The following UBTF variants were observed in gnomAD, a reference collection of about 807,000 sequenced individuals.
UBTF encodes upstream binding transcription factor, also known as nucleolar transcription factor 1.
UBTF carries 8 observed loss-of-function variants against 112.3 expected under a neutral mutation model. The observed-to-expected ratio is 0.07, with a 90% CI of 0.04 to 0.13. The LOEUF is 0.13. UBTF is among the 10% of genes least tolerant of loss of function. The probability of loss-of-function intolerance (pLI) is 1.00; values close to 1 mark genes in which losing one functional copy is unlikely to be tolerated. For missense variants in UBTF, 457 were observed against 982.1 expected (o/e 0.47, Z 7.15); for synonymous variants, 417 against 373.1 (o/e 1.12, Z -1.36).
Position 44,207,615 on chromosome 17 carries a change from A to G in UBTF, c.2026-18T>C. On this transcript the variant is annotated intron_variant, in intron 19 of 20. Coordinates refer to ENST00000436088, the MANE Select transcript of UBTF (RefSeq NM_014233.4). Reference sequence around the variant, plus strand: ...TCGGACTCCTTGGAGGGATGGAGGCACATCAGTGGTCTCTGGTCTCTGCCC... The same window carrying G: ...TCGGACTCCTTGGAGGGATGGAGGCGCATCAGTGGTCTCTGGTCTCTGCCC... 6.2e-7 allele frequency: 1 copy of G among 1,614,134 alleles called. No homozygotes were observed. The highest frequency in any genetic ancestry group is 1.1e-5 in the South Asian group (1 of 91,082).
In UBTF at chr17:44,210,113, C is replaced by A. The variant is rs939501651; in HGVS notation, c.1626+11G>T. 8 of 1,614,100 alleles carry A rather than the reference C, an allele frequency of 5.0e-6. No homozygotes were observed. Among genetic ancestry groups the A allele is most frequent in the Non-Finnish European group, 6.8e-6 (8 of 1,179,934 alleles). ...TTTCAATGAATGGGGTGGCCCCAGC[C>A]CCATTCCTACCTCATATCGCTTTTG... On this transcript the variant is annotated intron_variant, in intron 15 of 20. Coordinates refer to ENST00000436088, the MANE Select transcript of UBTF (RefSeq NM_014233.4).
chr17:44,213,079 G>T, intron 6 of UBTF, 139 bp downstream of exon 6: 1 of 1,533,892 alleles, frequency 6.5e-7, no homozygotes, highest in South Asian at 1.2e-5. Flanking sequence ...CTCTGTCCCT[G>T]AGCATGACAC....
At chr17:44,212,559 T>C in intron 7 of UBTF, 105 bp from the exon 8 acceptor site, 1 of 1,048,168 alleles carries the variant, frequency 9.5e-7, no homozygotes, top group Non-Finnish European at 1.4e-6. Flanking sequence ...CCATGGGAGG[T>C]CACATCAGTG....
At chr17:44,216,754 G>A (rs376294653) in intron 2 of UBTF, 50 bp from the exon 3 acceptor site, 18 of 1,585,742 alleles carry the variant, frequency 1.1e-5, no homozygotes, top group African/African-American at 2.7e-5. Flanking sequence ...CTATCCCCCC[G>A]ATCTGTTCCC....
chr17:44,208,237 G>C (rs923459546), intron 17 of UBTF, among the ~76,000 whole-genome samples: 1 of 151,786 alleles, frequency 6.6e-6, no homozygotes, highest in Admixed American at 6.6e-5. Flanking sequence ...CAGAGTAGCT[G>C]GGACTACAGG....
rs1353754905 is a variant in UBTF at position 44,211,663 on chromosome 17, C to T, written c.990G>A (p.Gln330=). The T allele has an allele frequency of 2.5e-6, 4 of 1,611,382 alleles. No individual in the cohort carries two copies. The highest frequency in any genetic ancestry group is 1.7e-5 in the Admixed American group (1 of 60,030). The change falls in exon 10 of 21, where the codon CAG becomes CAA. Residue 330 remains glutamine (Q), a synonymous_variant. Transcript: ENST00000436088. This position sits in a 1 kb window ranked among gnomAD's most constrained non-coding sequence, Gnocchi z 4.9. The stretch of plus-strand genomic sequence containing the variant: ...CCTTCTGGGACAGCAGCTTCCACTG[C>T]TGGCTGCACAGCACCATGCGCTCTG... The part of the protein sequence containing the change: ...PSTERMVLCS[Q]QWKLLSQKEK...
At chr17:44,210,709 G>T in intron 13 of UBTF, 83 bp downstream of exon 13, 1 of 1,525,470 alleles carries the variant, frequency 6.6e-7, no homozygotes, top group East Asian at 2.5e-5. Flanking sequence ...GGCGGCCAGG[G>T]GCGAGGTGGC....
intron 17 of UBTF, 99 bp from the exon 18 acceptor site, chr17:44,208,010 C>A (rs760804841): frequency 1.0e-5 from 15 of 1,471,658 alleles, no homozygotes; most frequent in African/African-American, 1.4e-5. Flanking sequence ...ATTTATATAT[C>A]ATCACCCCAT....
intron 2 of UBTF, 28 bp from the exon 3 acceptor site, chr17:44,216,732 G>A: frequency 6.2e-7 from 1 of 1,611,866 alleles, no homozygotes; most frequent in Non-Finnish European, 8.5e-7. Context: ...AGGCCATCAT[G>A]CCTGGCTCAT....
chr17:44,212,973 G>A, intron 6 of UBTF, 34 bp from the exon 7 acceptor site: 1 of 1,610,726 alleles, frequency 6.2e-7, no homozygotes. Flanking sequence ...GATCAGCAGG[G>A]GACGCTGCCA....
chr17:44,206,035 C>G lies in UBTF; in HGVS notation c.*1207G>C, dbSNP rs938704521. 1 of 152,196 alleles carries G rather than the reference C, an allele frequency of 6.6e-6. No individual in the cohort carries two copies. Among genetic ancestry groups the G allele is most frequent in the East Asian group, 1.9e-4 (1 of 5,174 alleles). The allele number at this position is 152,196 out of a possible 1,614,324, so 9.4% of individuals were successfully genotyped here. On this transcript the variant is annotated 3_prime_UTR_variant, in exon 21 of 21. Coordinates refer to ENST00000436088, the MANE Select transcript of UBTF (RefSeq NM_014233.4). Reference sequence around the variant, plus strand: ...TGGAGGGATGTGTAAGTTAGGAGCTCCCAGCACATTTCTTGAAGCCCAGGT... The same window carrying G: ...TGGAGGGATGTGTAAGTTAGGAGCTGCCAGCACATTTCTTGAAGCCCAGGT...
intron 5 of UBTF, chr17:44,215,331 G>T: frequency 3.2e-6 from 1 of 309,410 alleles, no homozygotes; most frequent in Non-Finnish European, 6.1e-6. Context: ...CATAGAGGGT[G>T]AAGAAGTGCT....
intron 1 of UBTF, chr17:44,219,240 C>A (rs1346736563): frequency 5.3e-5 from 8 of 151,440 alleles, no homozygotes; most frequent in African/African-American, 1.9e-4. Flanking sequence ...GGCTCCTCCG[C>A]CAGCGGCCGG....
rs1303272860 is a variant in UBTF at position 44,206,431 on chromosome 17, CTCACACTCTTTT to C, written c.*799_*810del. ...ACCCCTTTACACACACACACACACA[CTCACACTCTTTT>C]GCACACATCCACAGCTGCACCCATG... is the stretch of plus-strand genomic sequence containing the variant. On this transcript the variant is annotated 3_prime_UTR_variant, in exon 21 of 21. Coordinates refer to ENST00000436088, the MANE Select transcript of UBTF (RefSeq NM_014233.4). 7.0e-6 allele frequency: 1 copy of C among 143,716 alleles called. No homozygotes were observed. The highest frequency in any genetic ancestry group is 1.6e-5 in the Non-Finnish European group (1 of 64,050). 8.9% of individuals were successfully genotyped at this position (143,716 alleles called of 1,614,324 possible).
In UBTF at chr17:44,213,286, G is replaced by C. The variant is rs763130249; in HGVS notation, c.475-4C>G. On this transcript the variant is annotated splice_region_variant and splice_polypyrimidine_tract_variant and intron_variant, in intron 5 of 20. Transcript: ENST00000436088. ...GGAAGTCCTGAATATATTTCATCTG[G>C]GGGGAGGAGGGGATGGGGTCACTCA... The C allele has an allele frequency of 5.0e-6, 8 of 1,613,096 alleles. No individual in the cohort carries two copies. Among genetic ancestry groups the C allele is most frequent in the East Asian group, 2.2e-5 (1 of 44,874 alleles).
At position 44,209,675 on chromosome 17, in the gene UBTF, T is replaced by C; in HGVS notation, c.1685A>G (p.Lys562Arg). The C allele has an allele frequency of 6.2e-7, 1 of 1,614,214 alleles. No homozygotes were observed. Among genetic ancestry groups the C allele is most frequent in the Non-Finnish European group, 8.5e-7 (1 of 1,180,034 alleles). ...PAATNSSKKM[K>R]FQGEPKKPPM... ...AGGCTTCTTGGGTTCTCCCTGGAATTTCATCTTCTTGGAAGAATTTGTAGC... is the reference window on the plus strand; with the variant it reads ...AGGCTTCTTGGGTTCTCCCTGGAATCTCATCTTCTTGGAAGAATTTGTAGC... Residue 562 changes from lysine to arginine, a missense_variant, in exon 16 of 21, where the codon AAA (lysine) becomes AGA (arginine). By Grantham distance (26) the Lys-to-Arg change is conservative. This residue lies in a region of UBTF where 77 missense variants were observed against 211.9 expected (regional missense o/e 0.36). Coordinates refer to ENST00000436088, the MANE Select transcript of UBTF (RefSeq NM_014233.4).
In UBTF at chr17:44,207,359, C is replaced by T. The variant is rs1274636784; in HGVS notation, c.2178G>A (p.Glu726=). Residue 726 remains glutamate (E), a synonymous_variant, in exon 21 of 21, where the codon GAG becomes GAA. Transcript: ENST00000436088. ...DESEDGDENE[E]DDEDEDDDED... ...CGTCGTCGTCTTCGTCCTCGTCATC[C>T]TCTTCATTCTGGGGGGTGAGAAAGG... 5 of 1,612,906 alleles carry T rather than the reference C, an allele frequency of 3.1e-6. No individual in the cohort carries two copies. In the African/African-American group the frequency reaches 4.0e-5, roughly 13 times the overall value.
At chr17:44,219,733 T>C (rs1220416766), upstream of UBTF, 2 of 149,364 alleles carry the variant, frequency 1.3e-5, no homozygotes, top group Non-Finnish European at 3.0e-5. Context: ...CGGCCTCAGC[T>C]CGCACACCCC....
chr17:44,207,517 G>A lies in UBTF; in HGVS notation c.2106C>T (p.Ser702=), dbSNP rs755529370. 5.0e-6 allele frequency: 8 copies of A among 1,613,910 alleles called. No individual in the cohort carries two copies. In the Admixed American group the frequency reaches 1.3e-4, roughly 27 times the overall value. The change falls in exon 20 of 21, where the codon TCC becomes TCT. Residue 702 remains serine, a synonymous_variant. Coordinates refer to ENST00000436088, the MANE Select transcript of UBTF (RefSeq NM_014233.4). ...CAGAGGAGTCGCCGCCATCTTCAGA[G>A]GAGTCCCCATTCTCATCATCTTCCT... ...EEEEDDENGD[S]SEDGGDSSES...
Sources: gnomAD v4.1 joint callset for allele counts (sites outside exome capture counted in the v4.1 genomes callset) on GRCh38, gnomAD v4.1.1 for gene constraint, gnomAD v4.1.1 regional missense constraint, Gnocchi (gnomAD v3.1) non-coding constraint, MANE v1.5 for transcripts, NCBI Gene and HGNC (gene_info 2026-07-23, HGNC 2026-07-21) for gene names.